ELAVL2: variants seen among roughly 807,000 people sequenced by gnomAD.
ELAVL2 encodes ELAV-like protein 2.
ELAVL2 carries 4 observed loss-of-function variants against 34.6 expected under a neutral mutation model. The ratio of observed to expected loss-of-function variants is 0.12; its 90% confidence interval spans 0.06 to 0.26. The LOEUF (loss-of-function observed/expected upper bound fraction) is 0.26, where lower values mean the gene tolerates loss of function less well. Among genes scored for constraint, ELAVL2 ranks in the 10% least tolerant of loss-of-function variants. The probability of loss-of-function intolerance (pLI) is 1.00; values close to 1 mark genes in which losing one functional copy is unlikely to be tolerated. For missense variants in ELAVL2, 432 were observed against 442.8 expected (o/e 0.98, Z 0.22); for synonymous variants, 193 against 154.8 (o/e 1.25, Z -1.83).
intron 2 of ELAVL2, among the ~76,000 whole-genome samples, chr9:23,759,776 AT>A (rs2054511385): frequency 2.2e-5 from 3 of 137,316 alleles, no homozygotes; most frequent in Non-Finnish European, 1.6e-5. Context: ...ATATATATAT[AT>A]ATATATATAT....
intron 2 of ELAVL2, among the ~76,000 whole-genome samples, chr9:23,750,753 T>A (rs910460661): frequency 6.6e-6 from 1 of 152,148 alleles, no homozygotes; most frequent in African/African-American, 2.4e-5. Context: ...AAGAGCAAAC[T>A]ACAATTCATT....
At chr9:23,756,184 C>G (rs1282715592) in intron 2 of ELAVL2, among the ~76,000 whole-genome samples, 3 of 151,958 alleles carry the variant, frequency 2.0e-5, no homozygotes, top group Non-Finnish European at 4.4e-5. Flanking sequence ...TCTCAGCAAG[C>G]AGAGACACAA....
the ELAVL2 span, among the ~76,000 whole-genome samples, chr9:23,832,550 T>C: frequency 6.6e-6 from 1 of 152,238 alleles, no homozygotes; most frequent in Non-Finnish European, 1.5e-5. Flanking sequence ...GTCTTAGTGT[T>C]GTACCTTGTT....
At chr9:23,773,985 GCAGATCACGAGGT>G (rs1417346348) in intron 1 of ELAVL2, among the ~76,000 whole-genome samples, 1 of 151,910 alleles carries the variant, frequency 6.6e-6, no homozygotes, top group Non-Finnish European at 1.5e-5. Flanking sequence ...GCCGAGGCGG[GCAGATCACGAGGT>G]CAGGATATCG....
rs745506172 is a variant in ELAVL2 at position 23,701,581 on chromosome 9, T to A, written c.511A>T (p.Ile171Phe). 1 of 1,614,040 alleles carries A rather than the reference T, an allele frequency of 6.2e-7. No homozygotes were observed. The highest frequency in any genetic ancestry group is 8.5e-7 in the Non-Finnish European group (1 of 1,179,948). The change falls in exon 5 of 7, where the codon ATT (isoleucine) becomes TTT (phenylalanine). Residue 171 changes from isoleucine to phenylalanine, a missense_variant. By Grantham distance (21) the Ile-to-Phe change is conservative (BLOSUM62 0). Coordinates refer to ENST00000397312, the MANE Select transcript of ELAVL2 (RefSeq NM_004432.5). The part of the protein sequence containing the change: ...VTGISRGVGF[I>F]RFDKRIEAEE... ...GCCTCAATTCGCTTGTCAAATCGAA[T>A]AAACCCTACACCCCTTGATATGCCT... is the stretch of plus-strand genomic sequence containing the variant.
intron 1 of ELAVL2, among the ~76,000 whole-genome samples, chr9:23,808,407 C>A (rs2062534317): frequency 6.6e-6 from 1 of 151,986 alleles, no homozygotes; most frequent in Admixed American, 6.6e-5. Flanking sequence ...AGCAAGATCA[C>A]AAATATTTAC....
chr9:23,767,324 T>C (rs1224220847), intron 1 of ELAVL2, among the ~76,000 whole-genome samples: 2 of 152,310 alleles, frequency 1.3e-5, no homozygotes, highest in South Asian at 2.1e-4. Context: ...AGTTAAGAAT[T>C]TGAGAAGTCA....
intron 1 of ELAVL2, among the ~76,000 whole-genome samples, chr9:23,820,665 G>C (rs1341278602): frequency 3.3e-5 from 5 of 152,152 alleles, no homozygotes; most frequent in Non-Finnish European, 7.3e-5. Flanking sequence ...GCATTGTCAC[G>C]GCCACTGGAG....
At chr9:23,759,266 A>C (rs2054298116) in intron 2 of ELAVL2, among the ~76,000 whole-genome samples, 1 of 152,058 alleles carries the variant, frequency 6.6e-6, no homozygotes, top group Admixed American at 6.6e-5. Flanking sequence ...TGTCATTTCC[A>C]GAAACATGGG....
chr9:23,801,485 T>C (rs1384948220), intron 1 of ELAVL2, among the ~76,000 whole-genome samples: 2 of 152,168 alleles, frequency 1.3e-5, no homozygotes, highest in Non-Finnish European at 2.9e-5. Flanking sequence ...CAAGGGCTAC[T>C]CAGTTTTCAG....
chr9:23,693,558 T>C, intron 5 of ELAVL2, 72 bp from the exon 6 acceptor site: 1 of 1,537,966 alleles, frequency 6.5e-7, no homozygotes, highest in Non-Finnish European at 9.0e-7. Flanking sequence ...TTGGGCTCAT[T>C]ACTGCCATCT....
At chr9:23,815,434 C>A (rs1349057520) in intron 1 of ELAVL2, among the ~76,000 whole-genome samples, 1 of 152,124 alleles carries the variant, frequency 6.6e-6, no homozygotes, top group Non-Finnish European at 1.5e-5. Context: ...TTTTCTTTTA[C>A]TTCATGGCAG....
rs141482611 is a variant in ELAVL2, at chr9:23,772,741, T to A, written c.-15-10492A>T. On this transcript the variant is annotated intron_variant, in intron 1 of 6. Coordinates refer to ENST00000397312, the MANE Select transcript of ELAVL2 (RefSeq NM_004432.5). Reference sequence around the variant, plus strand: ...GCTTCCTTCTGCTCTGAACTGTGGATCATCTCAATTACTGGTATTCACCTA... The same window carrying A: ...GCTTCCTTCTGCTCTGAACTGTGGAACATCTCAATTACTGGTATTCACCTA... Among the ~76,000 whole-genome samples, 61 of 152,288 alleles carry A rather than the reference T, an allele frequency of 4.0e-4. 2 individuals are homozygous for A. In the East Asian group the frequency reaches 0.01, roughly 25 times the overall value.
intron 2 of ELAVL2, among the ~76,000 whole-genome samples, chr9:23,736,438 A>T (rs1331477477): frequency 6.6e-6 from 1 of 152,172 alleles, no homozygotes; most frequent in Non-Finnish European, 1.5e-5. Flanking sequence ...GGGTATTAGA[A>T]GAAAATAGAG....
chr9:23,774,073 T>C (rs1208509799), intron 1 of ELAVL2, among the ~76,000 whole-genome samples: 2 of 151,326 alleles, frequency 1.3e-5, no homozygotes, highest in Non-Finnish European at 1.5e-5. Flanking sequence ...TAGCCGGACT[T>C]GGTGGCGGGC....
the ELAVL2 span, among the ~76,000 whole-genome samples, chr9:23,837,435 A>ATT: frequency 6.6e-6 from 1 of 152,182 alleles, no homozygotes; most frequent in East Asian, 1.9e-4. Flanking sequence ...TTCCCAGGAG[A>ATT]AGACTAGATT....
chr9:23,699,560 T>A (rs968319019), intron 5 of ELAVL2, among the ~76,000 whole-genome samples: 5 of 152,202 alleles, frequency 3.3e-5, no homozygotes, highest in African/African-American at 9.6e-5. Context: ...GCTCTGAAAT[T>A]AACTGGACAA....
chr9:23,740,453 G>C (rs983338791), intron 2 of ELAVL2, among the ~76,000 whole-genome samples: 2 of 152,164 alleles, frequency 1.3e-5, no homozygotes, highest in African/African-American at 4.8e-5. Flanking sequence ...TTTCAAAAGT[G>C]TACACTTTGT....
intron 1 of ELAVL2, among the ~76,000 whole-genome samples, chr9:23,779,579 G>A (rs2058753634): frequency 6.6e-6 from 1 of 151,958 alleles, no homozygotes; most frequent in Non-Finnish European, 1.5e-5. Flanking sequence ...ACTGTCCCTA[G>A]GTGCATTTGA....
Sources: gnomAD v4.1 joint callset for allele counts (sites outside exome capture counted in the v4.1 genomes callset) on GRCh38, gnomAD v4.1.1 for gene constraint, MANE v1.5 for transcripts, NCBI Gene and HGNC (gene_info 2026-07-23, HGNC 2026-07-21) for gene names.